FOXK1: variants seen among roughly 807,000 people sequenced by gnomAD.
The protein encoded by FOXK1 is forkhead box protein K1.
In FOXK1, 19 loss-of-function variants were observed where a neutral mutation model predicts 51.9. The observed-to-expected ratio is 0.37, with a 90% CI of 0.26 to 0.54. The LOEUF (loss-of-function observed/expected upper bound fraction) is 0.54. FOXK1 is among the 20% of genes least tolerant of loss of function. The pLI, the probability that FOXK1 is intolerant of heterozygous loss-of-function variation, is 0.87. For synonymous variants in FOXK1, 537 were observed against 482.6 expected (o/e 1.11, Z -1.48); for missense variants, 870 against 1,032.7 (o/e 0.84, Z 2.16).
At position 4,765,564 on chromosome 7, in the gene FOXK1, A is replaced by C. The variant is rs940342912; in HGVS notation, c.*3100A>C. ...CTGATTCCAGCCCCGTTCTGGGGTC[A>C]CTGGGGAGGCAGAGGCTGAGGGCCT... On this transcript the variant is annotated 3_prime_UTR_variant, in exon 9 of 9. Coordinates refer to ENST00000328914, the MANE Select transcript of FOXK1 (RefSeq NM_001037165.2). 1 of 152,576 alleles carries C rather than the reference A, an allele frequency of 6.6e-6. No homozygotes were observed. Among genetic ancestry groups the C allele is most frequent in the Non-Finnish European group, 1.5e-5 (1 of 68,316 alleles). 9.5% of individuals were successfully genotyped at this position (152,576 alleles called of 1,614,324 possible). A position where few individuals can be genotyped will look rare whatever the true frequency, so the allele number is the denominator to read the frequency against.
intron 1 of FOXK1, among the ~76,000 whole-genome samples, chr7:4,687,314 A>G (rs1429060034): frequency 1.3e-5 from 2 of 150,656 alleles, no homozygotes; most frequent in Non-Finnish European, 3.0e-5. Flanking sequence ...TTTTTTTGCA[A>G]CGGAGTCTCA....
chr7:4,705,959 T>TATATATATATAC (rs1780085524), intron 1 of FOXK1, among the ~76,000 whole-genome samples: 1 of 125,288 alleles, frequency 8.0e-6, no homozygotes, highest in African/African-American at 4.1e-5. Flanking sequence ...TATATATATA[T>TATATATATATAC]GTATATATAT....
Position 4,743,406 on chromosome 7 carries a change from C to T in FOXK1, c.746+2383C>T, listed in dbSNP as rs768153539. Among the ~76,000 whole-genome samples the T allele has an allele frequency of 2.6e-5, 4 of 152,088 alleles. No individual in the cohort carries two copies. Among genetic ancestry groups the T allele is most frequent in the Non-Finnish European group, 4.4e-5 (3 of 68,026 alleles). ...CTCTACTAAAAATACAAAAATCAGC[C>T]AGGCATGGTGCCATATGTCTGTAAT... On this transcript the variant is annotated intron_variant, in intron 2 of 8. Coordinates refer to ENST00000328914, the MANE Select transcript of FOXK1 (RefSeq NM_001037165.2). This position sits in a 1 kb window ranked among gnomAD's most constrained non-coding sequence, Gnocchi z 5.3.
chr7:4,687,290 C>T (rs574156520), intron 1 of FOXK1, among the ~76,000 whole-genome samples: 2 of 150,298 alleles, frequency 1.3e-5, no homozygotes, highest in East Asian at 4.0e-4. Flanking sequence ...TGTTTGTTTT[C>T]GTTTTCGTTT....
At chr7:4,694,709 C>T (rs1285460395) in intron 1 of FOXK1, among the ~76,000 whole-genome samples, 1 of 152,142 alleles carries the variant, frequency 6.6e-6, no homozygotes, top group Non-Finnish European at 1.5e-5. Context: ...GTAGGATGAC[C>T]CGTGTGGGTC....
rs1364069380 is a variant in FOXK1 at position 4,730,131 on chromosome 7, C to A, written c.561-10707C>A. ...CTTTTCTTTTTCCAAATAGGACATG[C>A]TTATTTGCCTGATTACAAAAATAGA... On this transcript the variant is annotated intron_variant, in intron 1 of 8. Coordinates refer to ENST00000328914, the MANE Select transcript of FOXK1 (RefSeq NM_001037165.2). This position sits in a 1 kb window ranked among gnomAD's most constrained non-coding sequence, Gnocchi z 4.7. 6.6e-6 allele frequency among the ~76,000 whole-genome samples: 1 copy of A among 152,192 alleles called. No individual in the cohort carries two copies. Among genetic ancestry groups the A allele is most frequent in the Non-Finnish European group, 1.5e-5 (1 of 68,038 alleles).
chr7:4,757,777 G>C (rs1336131053), intron 5 of FOXK1, among the ~76,000 whole-genome samples: 1 of 152,018 alleles, frequency 6.6e-6, no homozygotes, highest in Non-Finnish European at 1.5e-5. Context: ...GATGTGCACA[G>C]GTTGTATGCA....
intron 1 of FOXK1, among the ~76,000 whole-genome samples, chr7:4,705,554 T>TCTCTCTCTCTCTCTCTCG (rs895937029): frequency 1.5e-4 from 20 of 131,486 alleles, no homozygotes; most frequent in African/African-American, 5.7e-4. Context: ...TCTCTCTCTC[T>TCTCTCTCTCTCTCTCTCG]CTCTCGCTCT....
chr7:4,759,240 G>A, intron 6 of FOXK1, 23 bp downstream of exon 6: 1 of 1,606,750 alleles, frequency 6.2e-7, no homozygotes, highest in Non-Finnish European at 8.5e-7. Flanking sequence ...CGGCCCTCTT[G>A]CGGGGCGGGG....
In FOXK1 at chr7:4,762,247, C is replaced by G. The variant is rs1180059379; in HGVS notation, c.1985C>G (p.Thr662Ser). Residue 662 changes from threonine (T) to serine (S), a missense_variant, in exon 9 of 9, where the codon ACC becomes AGC. Thr to Ser is a moderately conservative substitution (Grantham distance 58). Transcript: ENST00000328914. The surrounding 1 kb of genome is among the most constrained non-coding windows in gnomAD (Gnocchi z 5.7). ...QASSSAPVVV[T>S]RVCEVGPKEP... is the part of the protein sequence containing the mutation. ...AGTTCATCCGCGCCGGTGGTGGTCACCCGGGTGTGCGAGGTGGGGCCCAAG... is the reference window on the plus strand; with the variant it reads ...AGTTCATCCGCGCCGGTGGTGGTCAGCCGGGTGTGCGAGGTGGGGCCCAAG... 6.4e-7 allele frequency: 1 copy of G among 1,552,612 alleles called. No individual in the cohort carries two copies. The highest frequency in any genetic ancestry group is 8.7e-7 in the Non-Finnish European group (1 of 1,147,634).
At position 4,682,506 on chromosome 7, in the gene FOXK1, G is replaced by T. The variant is rs981210413; in HGVS notation, c.198G>T (p.Ala66=). 539 of 1,050,938 alleles carry T rather than the reference G, an allele frequency of 5.1e-4. 3 individuals are homozygous for T. In the African/African-American group the frequency reaches 8.7e-3, roughly 17 times the overall value. The allele number at this position is 1,050,938 out of a possible 1,614,324, so 65.1% of individuals were successfully genotyped here. The part of the protein sequence containing the change: ...PPPPLPPGAI[A]GAGSSGGSSG... ...CGCCGCTGCCTCCGGGCGCGATCGC[G>T]GGCGCGGGCTCCTCCGGGGGCTCCT... The change falls in exon 1 of 9, where the codon GCG becomes GCT. Residue 66 remains alanine (A), a synonymous_variant. Transcript: ENST00000328914. The surrounding 1 kb of genome is among the most constrained non-coding windows in gnomAD (Gnocchi z 7.6).
rs112245661 is a variant in FOXK1, at chr7:4,707,689, C to CT, written c.560+24834dup. On this transcript the variant is annotated intron_variant, in intron 1 of 8. Coordinates refer to ENST00000328914, the MANE Select transcript of FOXK1 (RefSeq NM_001037165.2). This position sits in a 1 kb window ranked among gnomAD's most constrained non-coding sequence, Gnocchi z 4.1. ...CGTGTGCGACCAGTACTCCATTTCA[C>CT]TTTTTTTTTTTTTGAGACGGACTCT... is the stretch of plus-strand genomic sequence containing the variant. 0.18 allele frequency among the ~76,000 whole-genome samples: 25,915 copies of CT among 144,234 alleles called. 5,818 individuals are homozygous for CT. The highest frequency in any genetic ancestry group is 0.54 in the African/African-American group (20,922 of 39,104). The allele number at this position is 144,234 out of a possible 152,430, so 94.6% of individuals were successfully genotyped here.
chr7:4,741,155 G>A, intron 2 of FOXK1, 132 bp downstream of exon 2: 1 of 622,208 alleles, frequency 1.6e-6, no homozygotes, highest in Non-Finnish European at 2.5e-6. Context: ...AGAAAGTGTT[G>A]TACGTCCATC....
In FOXK1 at chr7:4,759,212, C is replaced by T. The variant is rs983882306; in HGVS notation, c.1406C>T (p.Ala469Val). ...CCAGAGTACCGGTATTCCCAAAGCGCACCCGGTAAGGAGCGGGCGGCCCTC... is the reference window on the plus strand; with the variant it reads ...CCAGAGTACCGGTATTCCCAAAGCGTACCCGGTAAGGAGCGGGCGGCCCTC... ...SVPEYRYSQS[A>V]PGSPVSAQPV... The change falls in exon 6 of 9, where the codon GCA (alanine) becomes GTA (valine). Residue 469 changes from alanine (A) to valine (V), a missense_variant. By Grantham distance (64) the Ala-to-Val change is moderately conservative. Around this residue, in one of 3 missense-constraint regions of FOXK1, gnomAD observed 457 missense variants for 510.8 expected, o/e 0.89. Transcript: ENST00000328914. The T allele has an allele frequency of 6.2e-7, 1 of 1,612,314 alleles. No homozygotes were observed. The highest frequency in any genetic ancestry group is 1.1e-5 in the South Asian group (1 of 91,088).
Position 4,756,722 on chromosome 7 carries a change from G to T in FOXK1, c.1051-272G>T, listed in dbSNP as rs1251026167. On this transcript the variant is annotated intron_variant, in intron 4 of 8. Coordinates refer to ENST00000328914, the MANE Select transcript of FOXK1 (RefSeq NM_001037165.2). This position sits in a 1 kb window ranked among gnomAD's most constrained non-coding sequence, Gnocchi z 4.1. ...GGAACTTGCAGTGAGCCGAGATCGT[G>T]CCACTGCACTCCATCCTGGGCGACA... 6.6e-6 allele frequency among the ~76,000 whole-genome samples: 1 copy of T among 151,270 alleles called. No individual in the cohort carries two copies. The highest frequency in any genetic ancestry group is 1.5e-5 in the Non-Finnish European group (1 of 67,868).
chr7:4,699,591 C>T (rs1779996348), intron 1 of FOXK1, among the ~76,000 whole-genome samples: 1 of 152,064 alleles, frequency 6.6e-6, no homozygotes, highest in Admixed American at 6.6e-5. Flanking sequence ...TGGTCTCGAA[C>T]TCCTGGCCTC....
intron 1 of FOXK1, among the ~76,000 whole-genome samples, chr7:4,737,603 C>G (rs896279848): frequency 2.0e-5 from 3 of 151,914 alleles, no homozygotes; most frequent in African/African-American, 7.3e-5. Flanking sequence ...GACATGGACA[C>G]TGTGTTCATT....
intron 2 of FOXK1, among the ~76,000 whole-genome samples, chr7:4,752,324 T>G (rs1780790174): frequency 6.6e-6 from 1 of 152,154 alleles, no homozygotes. Context: ...TTAATATTTT[T>G]GTAGAGATGG....
Position 4,723,060 on chromosome 7 carries a change from C to T in FOXK1, c.561-17778C>T, listed in dbSNP as rs1395528904. On this transcript the variant is annotated intron_variant, in intron 1 of 8. Transcript: ENST00000328914. This position sits in a 1 kb window ranked among gnomAD's most constrained non-coding sequence, Gnocchi z 4.7. ...ACACAACCTGTATCAGCTTGTGATC[C>T]CGAACAAAAACCCGTCTTCCCAAGC... is the stretch of plus-strand genomic sequence containing the variant. 6.6e-6 allele frequency among the ~76,000 whole-genome samples: 1 copy of T among 151,928 alleles called. No individual in the cohort carries two copies. The highest frequency in any genetic ancestry group is 1.5e-5 in the Non-Finnish European group (1 of 67,998).
Sources: gnomAD v4.1 joint callset for allele counts (sites outside exome capture counted in the v4.1 genomes callset) on GRCh38, gnomAD v4.1.1 for gene constraint, gnomAD v4.1.1 regional missense constraint, Gnocchi (gnomAD v3.1) non-coding constraint, MANE v1.5 for transcripts, NCBI Gene and HGNC (gene_info 2026-07-23, HGNC 2026-07-21) for gene names.